The following LRRTM4 variants were observed in gnomAD, a reference collection of about 807,000 sequenced individuals.
The protein encoded by LRRTM4 is leucine rich repeat transmembrane neuronal 4, also known as leucine-rich repeat transmembrane neuronal protein 4.
Under a neutral mutation model 47.6 loss-of-function variants are expected in LRRTM4, and 25 were observed. The ratio of observed to expected loss-of-function variants is 0.53; its 90% confidence interval spans 0.38 to 0.73. The LOEUF (loss-of-function observed/expected upper bound fraction) is 0.73. Among genes scored for constraint, LRRTM4 ranks in the 30% least tolerant of loss-of-function variants. The pLI is 0.00. For missense variants in LRRTM4, 638 were observed against 713.4 expected (o/e 0.89, Z 1.20); for synonymous variants, 311 against 269.5 (o/e 1.15, Z -1.51).
Position 77,417,911 on chromosome 2 carries a change from T to TA in LRRTM4, c.1551+100406dup, listed in dbSNP as rs201947664. 5.1e-3 allele frequency among the ~76,000 whole-genome samples: 773 copies of TA among 151,964 alleles called. 11 individuals carry two copies. The highest frequency in any genetic ancestry group is 0.018 in the African/African-American group (727 of 41,442). ...ATGTACCCTAAAACTTAAAGTATAA[T>TA]AAAAAAAGAAAAATATACCACTCTA... On this transcript the variant is annotated intron_variant, in intron 3 of 3. Coordinates refer to ENST00000409884, the MANE Select transcript of LRRTM4 (RefSeq NM_001134745.3).
At chr2:76,812,786 C>CTCCCTCCCCCTCTTCCTCCTCCTT (rs1670782203) in intron 3 of LRRTM4, among the ~76,000 whole-genome samples, 1 of 115,672 alleles carries the variant, frequency 8.6e-6, no homozygotes, top group African/African-American at 3.4e-5. Context: ...CCCTCCTCCT[C>CTCCCTCCCCCTCTTCCTCCTCCTT]TCCCTCCCCC....
intron 3 of LRRTM4, among the ~76,000 whole-genome samples, chr2:76,854,457 A>G (rs566375470): frequency 6.6e-6 from 1 of 152,278 alleles, no homozygotes; most frequent in South Asian, 2.1e-4. Context: ...ATACAAAGCT[A>G]TGAGGATGGT....
intron 3 of LRRTM4, among the ~76,000 whole-genome samples, chr2:77,493,289 C>T (rs1335312824): frequency 6.6e-6 from 1 of 151,810 alleles, no homozygotes; most frequent in East Asian, 1.9e-4. Flanking sequence ...TAATAAATGT[C>T]AAACAGGGAA....
At position 76,902,288 on chromosome 2, in the gene LRRTM4, A is replaced by C. The variant is rs371905115; in HGVS notation, c.1552-153372T>G. 5.3e-5 allele frequency among the ~76,000 whole-genome samples: 8 copies of C among 152,308 alleles called. No individual in the cohort carries two copies. The South Asian group carries it at 8.3e-4, about 16-fold the overall frequency. On this transcript the variant is annotated intron_variant, in intron 3 of 3. Transcript: ENST00000409884. ...ACCTGCCACATTATAAACAGGTCAG[A>C]AATCATTTGTGTTTTTCCCTTTTTT... is the stretch of plus-strand genomic sequence containing the variant.
intron 3 of LRRTM4, among the ~76,000 whole-genome samples, chr2:76,768,146 A>G (rs755850915): frequency 6.6e-6 from 1 of 152,176 alleles, no homozygotes; most frequent in Non-Finnish European, 1.5e-5. Context: ...AAAGTGATAT[A>G]ATTTATGTAA....
chr2:77,132,757 C>A lies in LRRTM4; in HGVS notation c.1552-383841G>T, dbSNP rs186430755. On this transcript the variant is annotated intron_variant, in intron 3 of 3. Coordinates refer to ENST00000409884, the MANE Select transcript of LRRTM4 (RefSeq NM_001134745.3). ...TCATCAATGAATCAGCTCCTAAAGT[C>A]CCCTCCTCTTAGTAATTTGGCTCTT... Among the ~76,000 whole-genome samples, 757 of 152,238 alleles carry A rather than the reference C, an allele frequency of 5.0e-3. 8 individuals are homozygous for A. The highest frequency in any genetic ancestry group is 0.018 in the African/African-American group (730 of 41,558).
chr2:77,084,024 C>G (rs767424542), intron 3 of LRRTM4, among the ~76,000 whole-genome samples: 5 of 151,702 alleles, frequency 3.3e-5, no homozygotes, highest in Non-Finnish European at 7.4e-5. Flanking sequence ...CAAGGATGAT[C>G]CCCATCTCCT....
intron 3 of LRRTM4, among the ~76,000 whole-genome samples, chr2:77,507,485 T>C (rs1393981960): frequency 1.3e-5 from 2 of 152,068 alleles, no homozygotes; most frequent in Non-Finnish European, 1.5e-5. Context: ...TCATCTCTTA[T>C]CCTCCAGTCA....
At chr2:76,812,695 CTTTTCTTTCTTTA>C (rs1222013328) in intron 3 of LRRTM4, among the ~76,000 whole-genome samples, 2 of 97,218 alleles carry the variant, frequency 2.1e-5, no homozygotes, top group Non-Finnish European at 2.0e-5. Flanking sequence ...TTCTTTCTTT[CTTTTCTTTCTTTA>C]TTTCTTTTTC....
chr2:77,044,924 T>C (rs1679184637), intron 3 of LRRTM4, among the ~76,000 whole-genome samples: 1 of 151,848 alleles, frequency 6.6e-6, no homozygotes, highest in Non-Finnish European at 1.5e-5. Context: ...TTTGTGTGTA[T>C]ATGTGTATAT....
chr2:76,932,357 T>C (rs1674798207), intron 3 of LRRTM4, among the ~76,000 whole-genome samples: 1 of 152,108 alleles, frequency 6.6e-6, no homozygotes, highest in Admixed American at 6.6e-5. Context: ...TAACTCCTTG[T>C]CTCCTTCTTT....
chr2:77,231,994 G>T (rs1440870159), intron 3 of LRRTM4, among the ~76,000 whole-genome samples: 1 of 151,944 alleles, frequency 6.6e-6, no homozygotes. Flanking sequence ...TTATTCCTTT[G>T]TTCAGATACA....
chr2:76,851,686 A>G (rs555196262), intron 3 of LRRTM4, among the ~76,000 whole-genome samples: 6 of 151,404 alleles, frequency 4.0e-5, no homozygotes, highest in South Asian at 2.1e-4. Flanking sequence ...GATGATCTTC[A>G]TATTTCTTAA....
intron 3 of LRRTM4, among the ~76,000 whole-genome samples, chr2:77,290,046 A>G (rs544365778): frequency 6.6e-6 from 1 of 152,126 alleles, no homozygotes; most frequent in African/African-American, 2.4e-5. Flanking sequence ...ATAAGCAATC[A>G]AATATTTTAT....
chr2:77,138,188 C>T (rs1055360389), intron 3 of LRRTM4, among the ~76,000 whole-genome samples: 4 of 152,100 alleles, frequency 2.6e-5, no homozygotes, highest in African/African-American at 7.2e-5. Context: ...CTCAGCACAT[C>T]GCACTTATTC....
At chr2:76,818,201 G>C (rs557329112) in intron 3 of LRRTM4, among the ~76,000 whole-genome samples, 2 of 151,870 alleles carry the variant, frequency 1.3e-5, no homozygotes, top group African/African-American at 4.8e-5. Context: ...ATAAGACAGA[G>C]TAAATTGACT....
intron 3 of LRRTM4, among the ~76,000 whole-genome samples, chr2:76,933,476 A>C (rs1292681341): frequency 6.6e-6 from 1 of 152,094 alleles, no homozygotes; most frequent in Non-Finnish European, 1.5e-5. Context: ...TAATTTCAAA[A>C]AGGTAAATAG....
chr2:76,806,133 G>A (rs1407372988), intron 3 of LRRTM4, among the ~76,000 whole-genome samples: 1 of 152,076 alleles, frequency 6.6e-6, no homozygotes, highest in African/African-American at 2.4e-5. Context: ...AGCACAATAA[G>A]AATTCAGTTT....
chr2:77,381,518 A>T (rs951154542), intron 3 of LRRTM4, among the ~76,000 whole-genome samples: 3 of 152,100 alleles, frequency 2.0e-5, no homozygotes, highest in Non-Finnish European at 4.4e-5. Context: ...TTGGTCAATA[A>T]CTATAGAACT....
Sources: allele counts gnomAD v4.1 joint callset (sites outside exome capture counted in the v4.1 genomes callset), GRCh38; gene constraint gnomAD v4.1.1; transcripts MANE v1.5; gene names NCBI Gene and HGNC (gene_info 2026-07-23, HGNC 2026-07-21).